Variants in SLC9A2 observed in about 807,000 individuals in gnomAD.
SLC9A2 encodes solute carrier family 9 member A2, also known as sodium/hydrogen exchanger 2.
A neutral mutation model predicts 71.7 loss-of-function variants in SLC9A2; 42 were observed. The ratio of observed to expected loss-of-function variants is 0.59; its 90% CI spans 0.46 to 0.76. The LOEUF is 0.76. Ranked by LOEUF, SLC9A2 falls within the 30% of genes least tolerant of loss-of-function variation. SLC9A2 has a pLI of 0.00. For missense variants in SLC9A2, 829 were observed against 1,017.4 expected, an observed-to-expected ratio of 0.81 and a Z score of 2.52; for synonymous variants, 396 against 392.5, an observed-to-expected ratio of 1.01 and a Z score of -0.10.
chr2:102,690,340 C>A (rs903402802), intron 5 of SLC9A2, among the ~76,000 whole-genome samples: 2 of 152,042 alleles, frequency 1.3e-5, no homozygotes, highest in East Asian at 3.9e-4. Flanking sequence ...CACAAGAGCA[C>A]TTTGGGTCAG....
chr2:102,674,511 TCTG>T (rs1677314663), intron 3 of SLC9A2, among the ~76,000 whole-genome samples: 10 of 152,198 alleles, frequency 6.6e-5, no homozygotes, highest in Non-Finnish European at 1.5e-4. Flanking sequence ...AAACATGAGG[TCTG>T]ACTTTGTCAG....
At chr2:102,688,887 CTGTAAACG>C (rs1677607548) in intron 5 of SLC9A2, among the ~76,000 whole-genome samples, 2 of 152,302 alleles carry the variant, frequency 1.3e-5, no homozygotes, top group Non-Finnish European at 2.9e-5. Flanking sequence ...CTCAAGAATT[CTGTAAACG>C]TACTAAGTGG....
chr2:102,705,616 A>T (rs1677960743), intron 10 of SLC9A2, among the ~76,000 whole-genome samples: 2 of 152,082 alleles, frequency 1.3e-5, no homozygotes, highest in South Asian at 4.1e-4. Context: ...ATTTGTTTCT[A>T]ATTTATTTCC....
At chr2:102,694,586 A>G (rs1378143890) in intron 6 of SLC9A2, 83 bp downstream of exon 6, 2 of 608,254 alleles carry the variant, frequency 3.3e-6, no homozygotes, top group African/African-American at 1.9e-5. Flanking sequence ...CACGTTGTCC[A>G]TTTCCTGAAG....
chr2:102,639,126 G>T (rs1171715599), intron 1 of SLC9A2, among the ~76,000 whole-genome samples: 1 of 152,254 alleles, frequency 6.6e-6, no homozygotes, highest in Non-Finnish European at 1.5e-5. Context: ...GGAGGCTGCA[G>T]TGAGTTATGA....
chr2:102,652,426 C>T (rs1371801767), intron 1 of SLC9A2, among the ~76,000 whole-genome samples: 1 of 152,170 alleles, frequency 6.6e-6, no homozygotes, highest in Non-Finnish European at 1.5e-5. Flanking sequence ...ACCTCTTTCC[C>T]ATGGCGCCCA....
rs1043565222 is a variant in SLC9A2, at chr2:102,676,390, C to A, written c.1005-6871C>A. ...GTGATCCTTTGGTGTTCTCTCTCCACGTAACCAGAGTTGCTTTAGGTGCCA... is the reference window on the plus strand; with the variant it reads ...GTGATCCTTTGGTGTTCTCTCTCCAAGTAACCAGAGTTGCTTTAGGTGCCA... On this transcript the variant is annotated intron_variant, in intron 3 of 11. Transcript: ENST00000233969. Among the ~76,000 whole-genome samples, 4 of 152,328 alleles carry A rather than the reference C, an allele frequency of 2.6e-5. No homozygotes were observed. In the East Asian group the frequency reaches 5.8e-4, roughly 22 times the overall value.
intron 5 of SLC9A2, among the ~76,000 whole-genome samples, chr2:102,691,020 A>G (rs1364912431): frequency 1.3e-5 from 2 of 150,114 alleles, no homozygotes; most frequent in East Asian, 3.9e-4. Flanking sequence ...CTCACATCGC[A>G]GTTGTATAAT....
rs1265032951 is a variant in SLC9A2 at position 102,706,037 on chromosome 2, C to CAATGAGAACACTTGGACACA, written c.2068+101_2068+102insAATGAGAACACTTGGACACA. 2.1e-3 allele frequency: 397 copies of CAATGAGAACACTTGGACACA among 185,198 alleles called. 20 individuals carry two copies. The highest frequency in any genetic ancestry group is 2.8e-3 in the Non-Finnish European group (302 of 107,144). The allele number at this position is 185,198 out of a possible 1,614,324, so 11.5% of individuals were successfully genotyped here. A position where few individuals can be genotyped will look rare whatever the true frequency, so the allele number is the denominator to read the frequency against. On this transcript the variant is annotated intron_variant, in intron 11 of 11. Transcript: ENST00000233969. ...ATTTTTCTTCATTAAGAATGAGTTC[C>CAATGAGAACACTTGGACACA]GGCCGGGCGCGGTGGCTCACGCCTG...
intron 3 of SLC9A2, among the ~76,000 whole-genome samples, chr2:102,670,122 C>G (rs1383917925): frequency 2.6e-5 from 4 of 151,716 alleles, no homozygotes; most frequent in African/African-American, 9.7e-5. Flanking sequence ...AGCTCACCTC[C>G]CAGGTTCACG....
At chr2:102,646,871 T>G (rs1402255796) in intron 1 of SLC9A2, among the ~76,000 whole-genome samples, 1 of 150,326 alleles carries the variant, frequency 6.7e-6, no homozygotes, top group Non-Finnish European at 1.5e-5. Flanking sequence ...ACAATAATAG[T>G]GGGAAACTTT....
chr2:102,639,692 A>G (rs1676536291), intron 1 of SLC9A2, among the ~76,000 whole-genome samples: 1 of 152,118 alleles, frequency 6.6e-6, no homozygotes, highest in Non-Finnish European at 1.5e-5. Flanking sequence ...TGTCCATTAA[A>G]CACTTACTCC....
chr2:102,634,952 C>T (rs1431865020), intron 1 of SLC9A2, among the ~76,000 whole-genome samples: 1 of 152,100 alleles, frequency 6.6e-6, no homozygotes, highest in Admixed American at 6.5e-5. Flanking sequence ...TTCTGGGTCT[C>T]CTCTGTGTTA....
Position 102,704,962 on chromosome 2 carries a change from G to A in SLC9A2, c.1977+287G>A, listed in dbSNP as rs555276165. Among the ~76,000 whole-genome samples the A allele has an allele frequency of 1.6e-4, 24 of 152,238 alleles. 1 individual carries two copies. The South Asian group carries it at 4.1e-3, about 26-fold the overall frequency. ...GTAAATGCCAGCACTTTGGGAAGCC[G>A]AAGCCGAGGCAGGTGGATTGCCTGA... On this transcript the variant is annotated intron_variant, in intron 10 of 11. Coordinates refer to ENST00000233969, the MANE Select transcript of SLC9A2 (RefSeq NM_003048.6).
In SLC9A2 at chr2:102,708,601, C is replaced by G. The variant is rs1388842308; in HGVS notation, c.*112C>G. On this transcript the variant is annotated 3_prime_UTR_variant, in exon 12 of 12. Transcript: ENST00000233969. ...GTAAAACTCTCTGTGCATCTAAATA[C>G]TTCTGGAGGGCGACAGATTCATGCC... is the stretch of plus-strand genomic sequence containing the variant. 3.9e-6 allele frequency: 5 copies of G among 1,271,486 alleles called. No homozygotes were observed. The highest frequency in any genetic ancestry group is 5.4e-6 in the Non-Finnish European group (5 of 920,890). The allele number at this position is 1,271,486 out of a possible 1,614,324, so 78.8% of individuals were successfully genotyped here. A position where few individuals can be genotyped will look rare whatever the true frequency, so the allele number is the denominator to read the frequency against.
rs1034647745 is a variant in SLC9A2, at chr2:102,696,915, C to G, written c.1586+1802C>G. On this transcript the variant is annotated intron_variant, in intron 7 of 11. Transcript: ENST00000233969. ...TGGAGGCAGGTGGTAGACCAGAGAT[C>G]CTATACATCTACCCTATGACTCTGG... Among the ~76,000 whole-genome samples the G allele has an allele frequency of 1.3e-5, 2 of 152,150 alleles. 1 individual carries two copies. Among genetic ancestry groups the G allele is most frequent in the African/African-American group, 4.8e-5 (2 of 41,444 alleles).
At chr2:102,659,361 G>A (rs1677009251) in intron 2 of SLC9A2, among the ~76,000 whole-genome samples, 1 of 151,884 alleles carries the variant, frequency 6.6e-6, no homozygotes, top group Non-Finnish European at 1.5e-5. Flanking sequence ...GGATCGCTTG[G>A]GCCAGTGAGG....
chr2:102,654,426 C>A (rs1266290871), intron 1 of SLC9A2, among the ~76,000 whole-genome samples: 1 of 151,960 alleles, frequency 6.6e-6, no homozygotes, highest in Non-Finnish European at 1.5e-5. Flanking sequence ...ATTATTGGAG[C>A]CTTTTGTAGT....
intron 9 of SLC9A2, 91 bp from the exon 10 acceptor site, chr2:102,704,453 A>G: frequency 7.6e-7 from 1 of 1,315,012 alleles, no homozygotes; most frequent in Non-Finnish European, 1.1e-6. Flanking sequence ...GTGCAGATCC[A>G]AAGAAATGTG....
Sources: gnomAD v4.1 joint callset for allele counts (sites outside exome capture counted in the v4.1 genomes callset) on GRCh38, gnomAD v4.1.1 for gene constraint, MANE v1.5 for transcripts, NCBI Gene and HGNC (gene_info 2026-07-23, HGNC 2026-07-21) for gene names.